Variants in DICER1 observed in about 807,000 individuals in gnomAD.
The protein encoded by DICER1 is endoribonuclease Dicer.
A neutral mutation model predicts 194.1 loss-of-function variants in DICER1; 43 were observed. The observed-to-expected ratio is 0.22, with a 90% CI of 0.17 to 0.29. The LOEUF is 0.29. DICER1 is among the 10% of genes least tolerant of loss of function. The pLI, the probability that DICER1 is intolerant of heterozygous loss-of-function variation, is 1.00. For missense variants in DICER1, 1,608 were observed against 2,317.0 expected, an observed-to-expected ratio of 0.69 and a Z score of 6.28; for synonymous variants, 832 against 820.5, an observed-to-expected ratio of 1.01 and a Z score of -0.24.
intron 1 of DICER1, among the ~76,000 whole-genome samples, chr14:95,150,159 T>G (rs1472256711): frequency 2.0e-5 from 3 of 152,214 alleles, no homozygotes; most frequent in Non-Finnish European, 4.4e-5. Context: ...AAGACAGTCT[T>G]ATTTCTCAAC....
At chr14:95,131,908 C>T (rs1161123147) in intron 3 of DICER1, among the ~76,000 whole-genome samples, 2 of 152,126 alleles carry the variant, frequency 1.3e-5, no homozygotes, top group African/African-American at 4.8e-5. Context: ...CTAAGCCACC[C>T]TCCTGTTTTC....
chr14:95,145,198 A>C (rs987369272), intron 1 of DICER1, among the ~76,000 whole-genome samples: 1 of 152,214 alleles, frequency 6.6e-6, no homozygotes, highest in African/African-American at 2.4e-5. Flanking sequence ...TCCCCTGTTA[A>C]TGTCTTTTGT....
At chr14:95,145,366 A>G (rs568263688) in intron 1 of DICER1, among the ~76,000 whole-genome samples, 1 of 152,360 alleles carries the variant, frequency 6.6e-6, no homozygotes, top group East Asian at 1.9e-4. Context: ...AAGTAAATTT[A>G]AACAGTTTTG....
chr14:95,129,328 G>C, intron 6 of DICER1, 144 bp downstream of exon 6: 1 of 726,972 alleles, frequency 1.4e-6, no homozygotes, highest in South Asian at 1.7e-5. Context: ...GGTACTTATA[G>C]AGAATTCTTA....
At chr14:95,151,313 A>G (rs1208461534) in intron 1 of DICER1, among the ~76,000 whole-genome samples, 1 of 152,192 alleles carries the variant, frequency 6.6e-6, no homozygotes, top group Non-Finnish European at 1.5e-5. Context: ...CTTTTCCTTC[A>G]TCCTCCATTA....
chr14:95,092,422 AAGAG>A (rs1387989740), intron 24 of DICER1, among the ~76,000 whole-genome samples: 3 of 152,188 alleles, frequency 2.0e-5, no homozygotes, highest in Non-Finnish European at 2.9e-5. Context: ...GAAAAAAATA[AAGAG>A]AAAGTGGGAA....
chr14:95,132,972 T>C (rs1393818796), intron 2 of DICER1, among the ~76,000 whole-genome samples: 1 of 152,206 alleles, frequency 6.6e-6, no homozygotes, highest in South Asian at 2.1e-4. Context: ...TGACTAAACT[T>C]AGAGTAATCG....
chr14:95,127,979 T>C (rs1258107412), intron 6 of DICER1, among the ~76,000 whole-genome samples: 1 of 152,272 alleles, frequency 6.6e-6, no homozygotes, highest in African/African-American at 2.4e-5. Flanking sequence ...ATTCAATTTA[T>C]CCATTTCCAT....
intron 1 of DICER1, among the ~76,000 whole-genome samples, chr14:95,154,316 T>G (rs1237561545): frequency 6.6e-6 from 1 of 152,236 alleles, no homozygotes; most frequent in Admixed American, 6.5e-5. Context: ...TCTAGTCTAG[T>G]GTTTTGAAGA....
intron 1 of DICER1, among the ~76,000 whole-genome samples, chr14:95,151,509 A>T (rs939067957): frequency 6.6e-6 from 1 of 152,006 alleles, no homozygotes; most frequent in African/African-American, 2.4e-5. Context: ...TTTTCTCAAA[A>T]CCTCAAGAGG....
At chr14:95,091,505 A>G (rs1008352739) in intron 24 of DICER1, 140 bp from the exon 25 acceptor site, 32 of 771,800 alleles carry the variant, frequency 4.1e-5, no homozygotes, top group Non-Finnish European at 6.6e-5. Context: ...TATGCCTACT[A>G]TATTGTAATA....
At chr14:95,095,773 C>A in intron 23 of DICER1, 52 bp downstream of exon 23, 1 of 1,594,408 alleles carries the variant, frequency 6.3e-7, no homozygotes, top group South Asian at 1.1e-5. Flanking sequence ...ACGATGAGAT[C>A]AACACAAAGT....
At chr14:95,126,810 T>A (rs1475993146) in intron 6 of DICER1, 62 bp from the exon 7 acceptor site, 11 of 1,110,264 alleles carry the variant, frequency 9.9e-6, no homozygotes, top group Admixed American at 9.8e-5. Context: ...TTAAAAAAAG[T>A]TTTTCAAAAA....
intron 1 of DICER1, among the ~76,000 whole-genome samples, chr14:95,155,324 A>G (rs964303843): frequency 2.0e-5 from 3 of 152,240 alleles, no homozygotes; most frequent in Non-Finnish European, 4.4e-5. Context: ...GAGACTGTCT[A>G]CGAAATATCT....
At chr14:95,127,496 A>G (rs1893577816) in intron 6 of DICER1, among the ~76,000 whole-genome samples, 1 of 152,258 alleles carries the variant, frequency 6.6e-6, no homozygotes, top group Non-Finnish European at 1.5e-5. Flanking sequence ...ACCCAAGTCT[A>G]AACATGAAAT....
chr14:95,134,966 C>T (rs1311772731), intron 1 of DICER1, among the ~76,000 whole-genome samples: 2 of 152,190 alleles, frequency 1.3e-5, no homozygotes, highest in Non-Finnish European at 2.9e-5. Context: ...TACCCTAGTA[C>T]CCAAGCCTAG....
intron 1 of DICER1, among the ~76,000 whole-genome samples, chr14:95,154,262 C>T (rs936344994): frequency 6.6e-5 from 10 of 152,148 alleles, no homozygotes; most frequent in Non-Finnish European, 2.9e-5. Context: ...ATTATCACTG[C>T]TTGGAGGAAC....
At chr14:95,143,325 G>A (rs943180535) in intron 1 of DICER1, among the ~76,000 whole-genome samples, 1 of 152,130 alleles carries the variant, frequency 6.6e-6, no homozygotes, top group African/African-American at 2.4e-5. Flanking sequence ...TTAAAAATAA[G>A]AGGCATAGTT....
intron 1 of DICER1, among the ~76,000 whole-genome samples, chr14:95,148,439 T>C (rs1895286148): frequency 6.6e-6 from 1 of 152,180 alleles, no homozygotes; most frequent in African/African-American, 2.4e-5. Context: ...TGCCTAAGAA[T>C]AGGGTAGAGG....
Sources: allele counts gnomAD v4.1 joint callset (sites outside exome capture counted in the v4.1 genomes callset), GRCh38; gene constraint gnomAD v4.1.1; transcripts MANE v1.5; gene names NCBI Gene and HGNC (gene_info 2026-07-23, HGNC 2026-07-21).